Variants in UROC1 observed in about 807,000 individuals in gnomAD.
UROC1 encodes the protein urocanate hydratase 1, also known as urocanate hydratase.
Under a neutral mutation model 89.5 loss-of-function variants are expected in UROC1, and 79 were observed. That is an observed-to-expected ratio of 0.88 (90% CI 0.74 to 1.06). UROC1 has a LOEUF of 1.06. Among genes scored for constraint, UROC1 ranks in the 50% least tolerant of loss-of-function variants. The probability of loss-of-function intolerance (pLI) is 0.00; values close to 1 mark genes in which losing one functional copy is unlikely to be tolerated. For missense variants in UROC1, 885 were observed against 907.8 expected, an observed-to-expected ratio of 0.97 and a Z score of 0.32; for synonymous variants, 361 against 354.8, an observed-to-expected ratio of 1.02 and a Z score of -0.20.
At chr3:126,486,706 G>A (rs1053682891) in intron 18 of UROC1, among the ~76,000 whole-genome samples, 2 of 152,240 alleles carry the variant, frequency 1.3e-5, no homozygotes, top group Non-Finnish European at 2.9e-5. Context: ...GGATCAATGC[G>A]CAGGAAAGAG....
chr3:126,517,212 T>A (rs1389507953), intron 1 of UROC1, among the ~76,000 whole-genome samples: 1 of 152,070 alleles, frequency 6.6e-6, no homozygotes, highest in South Asian at 2.1e-4. Flanking sequence ...GGGAGGGACA[T>A]TTGCAAATGA....
chr3:126,509,238 T>TA (rs531755748), intron 3 of UROC1, among the ~76,000 whole-genome samples: 4,954 of 122,482 alleles, frequency 0.04, 137 homozygotes, highest in African/African-American at 0.079. Flanking sequence ...CCTGTCTCTC[T>TA]AAAAAAAAAA....
intron 16 of UROC1, among the ~76,000 whole-genome samples, chr3:126,489,980 G>C (rs958902832): frequency 3.3e-5 from 5 of 152,130 alleles, no homozygotes; most frequent in African/African-American, 1.2e-4. Flanking sequence ...CCCCTGACCT[G>C]TGCAATAGAG....
At chr3:126,500,009 G>A in intron 12 of UROC1, 48 bp downstream of exon 12, 1 of 1,570,684 alleles carries the variant, frequency 6.4e-7, no homozygotes, top group Non-Finnish European at 8.7e-7. Context: ...GAGAGGCTGG[G>A]CCCAGGGTGG....
In UROC1 at chr3:126,500,194, C is replaced by A. The variant is rs531067290; in HGVS notation, c.1146-40G>T. 34 of 1,602,636 alleles carry A rather than the reference C, an allele frequency of 2.1e-5. No individual in the cohort carries two copies. The South Asian group carries it at 2.5e-4, about 12-fold the overall frequency. ...GGGTCAGCACCACCGCTGTGAGGCC[C>A]TGGGGCCTCCCCAATGTGGCACCCT... On this transcript the variant is annotated intron_variant, in intron 11 of 19. Transcript: ENST00000290868.
chr3:126,509,101 T>G (rs1936135724), intron 3 of UROC1, among the ~76,000 whole-genome samples: 3 of 152,022 alleles, frequency 2.0e-5, no homozygotes, highest in African/African-American at 4.8e-5. Flanking sequence ...CTGGGCATGG[T>G]GGCGGGTGCC....
Position 126,507,784 on chromosome 3 carries a change from G to A in UROC1, c.560C>T (p.Ser187Phe). 6.2e-7 allele frequency: 1 copy of A among 1,614,158 alleles called. No homozygotes were observed. The highest frequency in any genetic ancestry group is 8.5e-7 in the Non-Finnish European group (1 of 1,180,032). Residue 187 changes from serine to phenylalanine, a missense_variant, in exon 6 of 20, where the codon TCC becomes TTC. Transcript: ENST00000290868. ...TNGMVIPNYS[S>F]RTEYEKLFAL... is the part of the protein sequence containing the mutation. ...AAAGAGCTTCTCATACTCCGTCCGG[G>A]AGGAGTAGTTGGGAATGACCTGGAG...
rs147065415 is a variant in UROC1, at chr3:126,509,309, G to A, written c.351+276C>T. Among the ~76,000 whole-genome samples, 507 of 151,568 alleles carry A rather than the reference G, an allele frequency of 3.3e-3. 1 individual carries two copies. The highest frequency in any genetic ancestry group is 0.01 in the Middle Eastern group (3 of 294). On this transcript the variant is annotated intron_variant, in intron 3 of 19. Coordinates refer to ENST00000290868, the MANE Select transcript of UROC1 (RefSeq NM_144639.3). ...GATGAATAAAATATAGTGTAAATTTGTTTATTTTTACTTTTTCATATGGCT... is the reference window on the plus strand; with the variant it reads ...GATGAATAAAATATAGTGTAAATTTATTTATTTTTACTTTTTCATATGGCT...
chr3:126,510,678 G>A lies in UROC1; in HGVS notation c.243C>T (p.Pro81=), dbSNP rs146123156. Residue 81 remains proline, a synonymous_variant, in exon 2 of 20, where the codon CCC becomes CCT. Coordinates refer to ENST00000290868, the MANE Select transcript of UROC1 (RefSeq NM_144639.3). ...YGHIYMYRFC[P]DIEMRAYPIE... ...ACAAGGCTGACCTCATTTCAATGTC[G>A]GGGCAAAACCGGTACATGTAGATGT... 1,621 of 1,613,930 alleles carry A rather than the reference G, an allele frequency of 1.0e-3. 3 individuals are homozygous for A. The highest frequency in any genetic ancestry group is 1.2e-3 in the South Asian group (113 of 91,082).
chr3:126,499,979 G>T, intron 12 of UROC1, 78 bp downstream of exon 12: 1 of 1,386,268 alleles, frequency 7.2e-7, no homozygotes, highest in Non-Finnish European at 1.0e-6. Flanking sequence ...GAGTGAGGTG[G>T]GAGCCAGTGG....
intron 9 of UROC1, among the ~76,000 whole-genome samples, chr3:126,502,420 TTA>T: frequency 6.6e-6 from 1 of 151,936 alleles, no homozygotes; most frequent in South Asian, 2.1e-4. Flanking sequence ...TGTATGTGTG[TTA>T]TGTGTTTGTG....
In UROC1 at chr3:126,492,418, C is replaced by T; in HGVS notation, c.1608G>A (p.Lys536=). Residue 536 remains lysine, a splice_region_variant and synonymous_variant, in exon 16 of 20, where the codon AAG becomes AAA. Coordinates refer to ENST00000290868, the MANE Select transcript of UROC1 (RefSeq NM_144639.3). ...TCCCCCAGAGCACAGGACACCTCACCTTGATCCTCCTGCAGGCGATGGCCT... is the reference window on the plus strand; with the variant it reads ...TCCCCCAGAGCACAGGACACCTCACTTTGATCCTCCTGCAGGCGATGGCCT... ...INQAIACRRI[K]APVVLSRDHH... 2 of 1,613,344 alleles carry T rather than the reference C, an allele frequency of 1.2e-6. No individual in the cohort carries two copies. The highest frequency in any genetic ancestry group is 1.7e-6 in the Non-Finnish European group (2 of 1,179,790).
rs769677393 is a variant in UROC1, at chr3:126,505,823, G to A, written c.691C>T (p.Arg231Cys). ...GTVLTVLNAA[R>C]RYLGIEDLAG... ...AAGTCCTCGATGCCCAGGTACCGAC[G>A]TGCAGCATTCAACACGGTGAGCTGC... The change falls in exon 8 of 20, where the codon CGT becomes TGT. Residue 231 changes from arginine (R) to cysteine (C), a missense_variant. Physicochemically the swap from Arg to Cys is radical, Grantham distance 180. Transcript: ENST00000290868. The A allele has an allele frequency of 8.1e-6, 13 of 1,613,700 alleles. No homozygotes were observed. The highest frequency in any genetic ancestry group is 2.2e-5 in the South Asian group (2 of 91,092).
chr3:126,505,776 G>A lies in UROC1; in HGVS notation c.738C>T (p.Thr246=), dbSNP rs1445386456. The change falls in exon 8 of 20, where the codon ACC becomes ACT. Residue 246 remains threonine (T), a synonymous_variant. Coordinates refer to ENST00000290868, the MANE Select transcript of UROC1 (RefSeq NM_144639.3). ...IEDLAGKVFV[T]SGLGGMSGAQ... The stretch of plus-strand genomic sequence containing the variant: ...CCCCACTCATTCCGCCGAGCCCAGA[G>A]GTGACAAAGACCTTCCCAGCCAAGT... 1 of 1,613,934 alleles carries A rather than the reference G, an allele frequency of 6.2e-7. No individual in the cohort carries two copies. The highest frequency in any genetic ancestry group is 2.2e-5 in the East Asian group (1 of 44,884).
intron 15 of UROC1, among the ~76,000 whole-genome samples, chr3:126,493,973 C>T (rs1935716217): frequency 1.3e-5 from 2 of 152,174 alleles, no homozygotes; most frequent in Non-Finnish European, 1.5e-5. Flanking sequence ...GCTGCTTCTT[C>T]CTCCCTCATG....
chr3:126,496,792 G>A (rs1935787571), intron 14 of UROC1, among the ~76,000 whole-genome samples: 1 of 152,202 alleles, frequency 6.6e-6, no homozygotes, highest in South Asian at 2.1e-4. Context: ...TTAAAATGAA[G>A]GTAATAGAAA....
rs760546560 is a variant in UROC1, at chr3:126,492,479, T to C, written c.1547A>G (p.Gln516Arg). Reference sequence around the variant, plus strand: ...CACAGCGATGGCCACGCGGCCCTTCTGGTCTGAGTACAGGATCCTTGCCTG... The same window carrying C: ...CACAGCGATGGCCACGCGGCCCTTCCGGTCTGAGTACAGGATCCTTGCCTG... ...GSQARILYSD[Q>R]KGRVAIAVAI... Residue 516 changes from glutamine to arginine, a missense_variant, in exon 16 of 20, where the codon CAG becomes CGG. Transcript: ENST00000290868. 2.5e-6 allele frequency: 4 copies of C among 1,613,450 alleles called. No individual in the cohort carries two copies. Among genetic ancestry groups the C allele is most frequent in the Non-Finnish European group, 3.4e-6 (4 of 1,179,976 alleles).
At chr3:126,509,835 G>A (rs1227129794) in intron 2 of UROC1, among the ~76,000 whole-genome samples, 157 bp from the exon 3 acceptor site, 3 of 152,230 alleles carry the variant, frequency 2.0e-5, no homozygotes, top group Non-Finnish European at 4.4e-5. Context: ...GAGCCACTAG[G>A]GCTGAGGGAG....
chr3:126,505,935 CA>C lies in UROC1; in HGVS notation c.669+9del. 3 of 1,613,224 alleles carry C rather than the reference CA, an allele frequency of 1.9e-6. No homozygotes were observed. Among genetic ancestry groups the C allele is most frequent in the Non-Finnish European group, 1.7e-6 (2 of 1,179,962 alleles). The stretch of plus-strand genomic sequence containing the variant: ...GGAAGCCCACAGCCAGGCGTGGCCC[CA>C]TCTCTCACCACAGTGCCATGAACGA... On this transcript the variant is annotated intron_variant, in intron 7 of 19. Coordinates refer to ENST00000290868, the MANE Select transcript of UROC1 (RefSeq NM_144639.3).
Sources: gnomAD v4.1 joint callset for allele counts (sites outside exome capture counted in the v4.1 genomes callset) on GRCh38, gnomAD v4.1.1 for gene constraint, MANE v1.5 for transcripts, NCBI Gene and HGNC (gene_info 2026-07-23, HGNC 2026-07-21) for gene names.